SOS2: variants seen among roughly 807,000 people sequenced by gnomAD.
The protein encoded by SOS2 is son of sevenless homolog 2.
A neutral mutation model predicts 148.2 loss-of-function variants in SOS2; 65 were observed. That is an observed-to-expected ratio of 0.44 (90% CI 0.36 to 0.54). The LOEUF (loss-of-function observed/expected upper bound fraction) is 0.54. Ranked by LOEUF, SOS2 falls within the 20% of genes least tolerant of loss-of-function variation. SOS2 has a pLI of 0.00. For missense variants in SOS2, 1,341 were observed against 1,590.2 expected (o/e 0.84, Z 2.67); for synonymous variants, 539 against 537.1 (o/e 1.00, Z -0.05).
chr14:50,147,996 G>T (rs1884544229), intron 14 of SOS2, among the ~76,000 whole-genome samples: 2 of 152,138 alleles, frequency 1.3e-5, no homozygotes, highest in Admixed American at 1.3e-4. Flanking sequence ...GCCATCAATG[G>T]CCTACAGACT....
At chr14:50,216,240 G>T (rs906788052) in intron 1 of SOS2, among the ~76,000 whole-genome samples, 1 of 151,610 alleles carries the variant, frequency 6.6e-6, no homozygotes, top group African/African-American at 2.4e-5. Flanking sequence ...GGGACTACAG[G>T]TGTGCACCAT....
chr14:50,188,461 G>C, intron 5 of SOS2, 36 bp downstream of exon 5: 1 of 1,351,446 alleles, frequency 7.4e-7, no homozygotes, highest in East Asian at 2.3e-5. Context: ...TGGTTTTTTG[G>C]GGTACACAGA....
intron 1 of SOS2, among the ~76,000 whole-genome samples, chr14:50,216,767 TAAATAA>T (rs147001342): frequency 0.26 from 39,108 of 151,550 alleles, 5,552 homozygotes; most frequent in East Asian, 0.44. Context: ...TAAACATGAA[TAAATAA>T]AAATAAAAAT....
chr14:50,187,819 T>C (rs1375308827), intron 5 of SOS2, among the ~76,000 whole-genome samples: 3 of 152,224 alleles, frequency 2.0e-5, no homozygotes, highest in African/African-American at 7.2e-5. Flanking sequence ...CCCATGGTAT[T>C]CTGAGCTTCA....
chr14:50,206,858 G>A (rs1355445654), intron 1 of SOS2, among the ~76,000 whole-genome samples: 4 of 152,116 alleles, frequency 2.6e-5, no homozygotes, highest in Admixed American at 1.3e-4. Context: ...TGCCACCCAC[G>A]TTGGAATGCA....
intron 18 of SOS2, among the ~76,000 whole-genome samples, chr14:50,136,403 C>T (rs1884081774): frequency 6.6e-6 from 1 of 152,056 alleles, no homozygotes; most frequent in Non-Finnish European, 1.5e-5. Context: ...AGGTATGGTT[C>T]TGAGATATAA....
At chr14:50,123,160 G>A (rs10151119) in intron 21 of SOS2, among the ~76,000 whole-genome samples, 131,053 of 152,124 alleles carry the variant, frequency 0.86, 56,569 homozygotes, top group East Asian at 0.92. Context: ...TAAGGGAGCA[G>A]GCTGTGAGGC....
intron 1 of SOS2, among the ~76,000 whole-genome samples, chr14:50,224,314 TACACACACACACACACACACACAC>T (rs71118856): frequency 1.3e-4 from 13 of 101,020 alleles, no homozygotes; most frequent in South Asian, 3.2e-4. Flanking sequence ...AATATATATA[TACACACACACACACACACACACAC>T]ACACACACAC....
intron 7 of SOS2, among the ~76,000 whole-genome samples, 178 bp from the exon 8 acceptor site, chr14:50,174,730 CCTTT>C (rs1050371805): frequency 7.2e-5 from 11 of 152,154 alleles, no homozygotes; most frequent in South Asian, 4.1e-4. Context: ...TCCCTTTCCT[CCTTT>C]AAGTTATTAG....
chr14:50,144,153 A>G (rs376699567), intron 16 of SOS2, among the ~76,000 whole-genome samples: 1 of 152,242 alleles, frequency 6.6e-6, no homozygotes, highest in East Asian at 1.9e-4. Flanking sequence ...ATAAATTATC[A>G]CAGAAAAAAA....
intron 7 of SOS2, 22 bp downstream of exon 7, chr14:50,180,550 A>AC (rs1344226412): frequency 9.1e-7 from 1 of 1,095,438 alleles, no homozygotes; most frequent in African/African-American, 1.6e-5. Context: ...AAAAAAAAAA[A>AC]AAACCTTCAA....
At chr14:50,177,879 A>T (rs1250691416) in intron 7 of SOS2, among the ~76,000 whole-genome samples, 2 of 152,232 alleles carry the variant, frequency 1.3e-5, no homozygotes. Context: ...GCAGCTGGTT[A>T]TATGAAAGTG....
At chr14:50,121,265 T>C (rs1047324116) in intron 21 of SOS2, among the ~76,000 whole-genome samples, 1 of 152,164 alleles carries the variant, frequency 6.6e-6, no homozygotes, top group Admixed American at 6.5e-5. Context: ...ATAATTACTA[T>C]CTTCATTTTA....
chr14:50,158,733 C>T, intron 10 of SOS2, 87 bp from the exon 11 acceptor site: 3 of 811,606 alleles, frequency 3.7e-6, no homozygotes, highest in East Asian at 2.5e-5. Context: ...GCCTTCCTCC[C>T]TTTTTCTTTT....
chr14:50,225,119 G>C (rs1464682601), intron 1 of SOS2, among the ~76,000 whole-genome samples: 2 of 152,064 alleles, frequency 1.3e-5, no homozygotes, highest in African/African-American at 2.4e-5. Flanking sequence ...TTATGTAAAA[G>C]AAGAAAATAA....
intron 21 of SOS2, among the ~76,000 whole-genome samples, chr14:50,124,289 G>A (rs1883618041): frequency 1.3e-5 from 2 of 152,164 alleles, no homozygotes; most frequent in Admixed American, 1.3e-4. Context: ...AGGTGAGGAG[G>A]AACCAGCAAG....
At chr14:50,164,079 A>C (rs976131629) in intron 8 of SOS2, among the ~76,000 whole-genome samples, 1 of 152,226 alleles carries the variant, frequency 6.6e-6, no homozygotes, top group African/African-American at 2.4e-5. Flanking sequence ...TTTGATAAAC[A>C]TCATATTAAT....
chr14:50,205,216 A>G (rs1886621136), intron 1 of SOS2, among the ~76,000 whole-genome samples: 1 of 151,874 alleles, frequency 6.6e-6, no homozygotes, highest in Non-Finnish European at 1.5e-5. Flanking sequence ...TGACCTGGCT[A>G]ATTTTTAAAA....
At chr14:50,165,070 A>C (rs1185550536) in intron 8 of SOS2, among the ~76,000 whole-genome samples, 3 of 152,168 alleles carry the variant, frequency 2.0e-5, no homozygotes, top group African/African-American at 7.2e-5. Context: ...GGAAAAGTCA[A>C]ATGTATCACA....
Sources: gnomAD v4.1 joint callset for allele counts (sites outside exome capture counted in the v4.1 genomes callset) on GRCh38, gnomAD v4.1.1 for gene constraint, MANE v1.5 for transcripts, NCBI Gene and HGNC (gene_info 2026-07-23, HGNC 2026-07-21) for gene names.